Variants in LRRTM3 observed in about 807,000 individuals in gnomAD.
The protein encoded by LRRTM3 is leucine-rich repeat transmembrane neuronal protein 3.
A neutral mutation model predicts 44.7 loss-of-function variants in LRRTM3; 24 were observed. That is an observed-to-expected ratio of 0.54 (90% CI 0.39 to 0.76). The LOEUF (loss-of-function observed/expected upper bound fraction) is 0.76. Among genes scored for constraint, LRRTM3 ranks in the 30% least tolerant of loss-of-function variants. LRRTM3 has a pLI of 0.00. For missense variants in LRRTM3, 587 were observed against 702.2 expected, an observed-to-expected ratio of 0.84 and a Z score of 1.85; for synonymous variants, 277 against 278.7, an observed-to-expected ratio of 0.99 and a Z score of 0.06.
intron 2 of LRRTM3, among the ~76,000 whole-genome samples, chr10:67,096,357 T>C (rs1056254542): frequency 4.6e-5 from 7 of 151,720 alleles, no homozygotes; most frequent in Non-Finnish European, 1.0e-4. Context: ...GGGGAAAGAA[T>C]GTAAAGATGC....
chr10:67,086,502 A>G (rs1394557002), intron 2 of LRRTM3, among the ~76,000 whole-genome samples: 1 of 152,022 alleles, frequency 6.6e-6, no homozygotes. Context: ...AAATCCTGAA[A>G]TGCTCCTCTG....
intron 2 of LRRTM3, among the ~76,000 whole-genome samples, chr10:67,019,410 G>T (rs528409866): frequency 2.3e-3 from 349 of 152,088 alleles, no homozygotes; most frequent in African/African-American, 7.8e-3. Flanking sequence ...TAGAGACAGG[G>T]TTTCTCCACA....
intron 2 of LRRTM3, among the ~76,000 whole-genome samples, chr10:67,047,127 T>C (rs905623640): frequency 2.6e-5 from 4 of 152,214 alleles, no homozygotes; most frequent in African/African-American, 9.6e-5. Context: ...GACAGTACAC[T>C]TATCTTCTCC....
intron 2 of LRRTM3, among the ~76,000 whole-genome samples, chr10:67,094,994 T>A (rs80005056): frequency 0.016 from 2,367 of 151,528 alleles, 70 homozygotes; most frequent in East Asian, 0.11. Flanking sequence ...AAACTATAAG[T>A]AATTGGCTTT....
chr10:66,993,218 G>A (rs750722422), intron 2 of LRRTM3, among the ~76,000 whole-genome samples: 2 of 152,076 alleles, frequency 1.3e-5, no homozygotes, highest in Non-Finnish European at 2.9e-5. Flanking sequence ...TCTCTATGTG[G>A]CTATTTGAGC....
intron 2 of LRRTM3, among the ~76,000 whole-genome samples, chr10:67,021,728 TTAAGA>T (rs1164395977): frequency 2.0e-5 from 3 of 152,186 alleles, no homozygotes; most frequent in East Asian, 3.8e-4. Context: ...AAATTTCCTC[TTAAGA>T]TTTCTGGACT....
chr10:67,068,127 G>T (rs1325312492), intron 2 of LRRTM3, among the ~76,000 whole-genome samples: 3 of 152,244 alleles, frequency 2.0e-5, no homozygotes, highest in South Asian at 4.1e-4. Context: ...ACTATTTAGA[G>T]AAATAATGAG....
chr10:67,078,339 C>A (rs184696628), intron 2 of LRRTM3, among the ~76,000 whole-genome samples: 320 of 152,160 alleles, frequency 2.1e-3, no homozygotes, highest in Middle Eastern at 3.4e-3. Flanking sequence ...CCCTAAAGCA[C>A]AATTGCTCTA....
chr10:66,997,741 G>A (rs918010734), intron 2 of LRRTM3, among the ~76,000 whole-genome samples: 14 of 151,998 alleles, frequency 9.2e-5, no homozygotes, highest in African/African-American at 2.9e-4. Flanking sequence ...CAATCTATAA[G>A]AGAATTGTTC....
Position 67,014,085 on chromosome 10 carries a change from C to A in LRRTM3, c.1537-83502C>A, listed in dbSNP as rs1473078023. Among the ~76,000 whole-genome samples, 3 of 152,084 alleles carry A rather than the reference C, an allele frequency of 2.0e-5. No individual in the cohort carries two copies. In the East Asian group the frequency reaches 5.8e-4, roughly 29 times the overall value. On this transcript the variant is annotated intron_variant, in intron 2 of 2. Coordinates refer to ENST00000361320, the MANE Select transcript of LRRTM3 (RefSeq NM_178011.5). ...CTTTTTTCCCCTTAAAGCAAAGAAT[C>A]AACATTAGTTTGTATTTTGGTTCAT...
At chr10:67,069,557 GCCCCA>G (rs549930721) in intron 2 of LRRTM3, among the ~76,000 whole-genome samples, 7,596 of 96,224 alleles carry the variant, frequency 0.079, 314 homozygotes, top group South Asian at 0.19. Flanking sequence ...ACAGCAGCCC[GCCCCA>G]CCCCACCCCA....
intron 2 of LRRTM3, among the ~76,000 whole-genome samples, chr10:66,950,586 T>G (rs1481010527): frequency 1.3e-5 from 2 of 152,052 alleles, no homozygotes; most frequent in African/African-American, 4.8e-5. Context: ...ATTTAATATA[T>G]TTTATATATT....
intron 2 of LRRTM3, among the ~76,000 whole-genome samples, chr10:67,064,536 C>T (rs1338344639): frequency 6.6e-6 from 1 of 152,142 alleles, no homozygotes; most frequent in Non-Finnish European, 1.5e-5. Flanking sequence ...CAAGCTTTCT[C>T]TATAACATTT....
rs2131933808 is a variant in LRRTM3, at chr10:67,097,646, C to T, written c.1596C>T (p.Tyr532=). ...FLAYDQPTIS[Y]CGVHHELLSH... ...CATACGACCAGCCCACAATAAGTTACTGTGGGGTGCATCATGAACTTCTCT... is the reference window on the plus strand; with the variant it reads ...CATACGACCAGCCCACAATAAGTTATTGTGGGGTGCATCATGAACTTCTCT... The change falls in exon 3 of 3, where the codon TAC becomes TAT. Residue 532 remains tyrosine, a synonymous_variant. Coordinates refer to ENST00000361320, the MANE Select transcript of LRRTM3 (RefSeq NM_178011.5). 1 of 1,612,580 alleles carries T rather than the reference C, an allele frequency of 6.2e-7. No homozygotes were observed. Among genetic ancestry groups the T allele is most frequent in the Non-Finnish European group, 8.5e-7 (1 of 1,178,968 alleles).
At chr10:67,064,137 G>GT (rs1251379034) in intron 2 of LRRTM3, among the ~76,000 whole-genome samples, 1 of 152,084 alleles carries the variant, frequency 6.6e-6, no homozygotes, top group Non-Finnish European at 1.5e-5. Context: ...CTATCAACTT[G>GT]TTTTTTTCAT....
At position 66,927,041 on chromosome 10, in the gene LRRTM3, G is replaced by A. The variant is rs771156957; in HGVS notation, c.125G>A (p.Gly42Asp). ...TGCCCTAAGGGCTGTAGGTGTGAAG[G>A]CAAAATGGTATATTGTGAATCTCAG... ...RGCPKGCRCEGKMVYCESQKL... is the reference protein window; with the variant it reads ...RGCPKGCRCEDKMVYCESQKL... Residue 42 changes from glycine (G) to aspartate (D), a missense_variant, in exon 2 of 3, where the codon GGC becomes GAC. Around this residue, in one of 3 missense-constraint regions of LRRTM3, gnomAD observed 222 missense variants for 323.3 expected, o/e 0.69. Coordinates refer to ENST00000361320, the MANE Select transcript of LRRTM3 (RefSeq NM_178011.5). This position sits in a 1 kb window ranked among gnomAD's most constrained non-coding sequence, Gnocchi z 4.7. 4 of 1,614,094 alleles carry A rather than the reference G, an allele frequency of 2.5e-6. No individual in the cohort carries two copies. The highest frequency in any genetic ancestry group is 1.1e-5 in the South Asian group (1 of 91,074).
intron 2 of LRRTM3, among the ~76,000 whole-genome samples, chr10:66,995,056 A>G (rs187539022): frequency 1.3e-5 from 2 of 152,090 alleles, no homozygotes; most frequent in African/African-American, 4.8e-5. Flanking sequence ...CTAAATCTAG[A>G]TCTCTAGCCC....
chr10:66,965,756 G>A (rs1440418694), intron 2 of LRRTM3, among the ~76,000 whole-genome samples: 1 of 151,906 alleles, frequency 6.6e-6, no homozygotes, highest in Non-Finnish European at 1.5e-5. Flanking sequence ...TCAGTCAAAG[G>A]CCGCATATGT....
intron 2 of LRRTM3, among the ~76,000 whole-genome samples, chr10:67,094,493 A>G (rs920973383): frequency 1.3e-4 from 19 of 151,832 alleles, no homozygotes; most frequent in African/African-American, 4.3e-4. Context: ...TTAAAAAGAA[A>G]ATTACTGGCC....
Sources: allele counts gnomAD v4.1 joint callset (sites outside exome capture counted in the v4.1 genomes callset), GRCh38; gene constraint gnomAD v4.1.1; regional missense constraint gnomAD v4.1.1; non-coding constraint Gnocchi (gnomAD v3.1); transcripts MANE v1.5; gene names NCBI Gene and HGNC (gene_info 2026-07-23, HGNC 2026-07-21).